The following SLC1A7 variants were observed in gnomAD, a reference collection of about 807,000 sequenced individuals.
SLC1A7 encodes the protein solute carrier family 1 member 7.
Under a neutral mutation model 47.7 loss-of-function variants are expected in SLC1A7, and 40 were observed. That is an observed-to-expected ratio of 0.84 (90% CI 0.65 to 1.09). The LOEUF (loss-of-function observed/expected upper bound fraction) is 1.09, where lower values mean the gene tolerates loss of function less well. SLC1A7 is among the 50% of genes least tolerant of loss of function. SLC1A7 has a pLI of 0.00. For synonymous variants in SLC1A7, 323 were observed against 325.6 expected, an observed-to-expected ratio of 0.99 and a Z score of 0.09; for missense variants, 746 against 769.5, an observed-to-expected ratio of 0.97 and a Z score of 0.36.
intron 5 of SLC1A7, among the ~76,000 whole-genome samples, chr1:53,100,402 TCAGTACACTCACAC>T (rs1644560079): frequency 1.3e-5 from 2 of 151,352 alleles, no homozygotes; most frequent in Non-Finnish European, 2.9e-5. Flanking sequence ...ACACCCCGCC[TCAGTACACTCACAC>T]GTCTTGTTTC....
chr1:53,112,901 T>G (rs1250613605), intron 3 of SLC1A7, among the ~76,000 whole-genome samples: 1 of 152,066 alleles, frequency 6.6e-6, no homozygotes, highest in Non-Finnish European at 1.5e-5. Context: ...CCCATAGAAG[T>G]AGTCCTGGAG....
At chr1:53,115,026 G>GCACTCAGCGCT in intron 2 of SLC1A7, 53 bp from the exon 3 acceptor site, 1 of 1,413,798 alleles carries the variant, frequency 7.1e-7, no homozygotes, top group Non-Finnish European at 9.9e-7. Flanking sequence ...GGCCTGGCTG[G>GCACTCAGCGCT]CACTCAGCGC....
intron 2 of SLC1A7, among the ~76,000 whole-genome samples, chr1:53,128,032 A>G (rs946591): frequency 0.54 from 82,207 of 152,084 alleles, 22,750 homozygotes; most frequent in East Asian, 0.66. Flanking sequence ...TTACACGGCA[A>G]TGATAACGAA....
At chr1:53,102,458 C>G (rs967999385) in intron 5 of SLC1A7, 8 of 152,434 alleles carry the variant, frequency 5.2e-5, no homozygotes, top group African/African-American at 1.9e-4. Flanking sequence ...GCGGAGGACT[C>G]TCCTGAGGGC....
rs1327252251 is a variant in SLC1A7 at position 53,093,426 on chromosome 1, T to C, written c.797+35A>G. On this transcript the variant is annotated intron_variant, in intron 6 of 10. Coordinates refer to ENST00000371494, the MANE Select transcript of SLC1A7 (RefSeq NM_006671.6). ...TGTCTTCCCTCCATCCACCCAGGGC[T>C]GGCCGGGGTGAGGTGGGTAAATGAG... is the stretch of plus-strand genomic sequence containing the variant. 5 of 1,500,218 alleles carry C rather than the reference T, an allele frequency of 3.3e-6. No individual in the cohort carries two copies. In the African/African-American group the frequency reaches 6.8e-5, roughly 21 times the overall value. The allele number at this position is 1,500,218 out of a possible 1,614,324, so 92.9% of individuals were successfully genotyped here. A position where few individuals can be genotyped will look rare whatever the true frequency, so the allele number is the denominator to read the frequency against.
In SLC1A7 at chr1:53,089,952, G is replaced by A. The variant is rs763466867; in HGVS notation, c.1227-18C>T. On this transcript the variant is annotated intron_variant, in intron 8 of 10. Transcript: ENST00000371494. ...CTGTGATACTGCAGGGGGTGGGAAG[G>A]GGAAGAGGAGCAGCAGGAGGGGCAG... 3.4e-5 allele frequency: 55 copies of A among 1,612,298 alleles called. No homozygotes were observed. The highest frequency in any genetic ancestry group is 4.3e-5 in the Non-Finnish European group (51 of 1,179,522).
intron 3 of SLC1A7, among the ~76,000 whole-genome samples, chr1:53,112,212 A>T (rs928479165): frequency 2.6e-5 from 4 of 152,024 alleles, no homozygotes; most frequent in Non-Finnish European, 2.9e-5. Flanking sequence ...CTTTGTTATT[A>T]AAAAAAATGC....
chr1:53,104,774 G>A (rs1644621641), intron 4 of SLC1A7, among the ~76,000 whole-genome samples: 1 of 152,216 alleles, frequency 6.6e-6, no homozygotes, highest in Admixed American at 6.5e-5. Context: ...GCCCAGCCCA[G>A]GAAAGGGGTT....
At chr1:53,110,954 C>T (rs1359679988) in intron 3 of SLC1A7, among the ~76,000 whole-genome samples, 3 of 152,140 alleles carry the variant, frequency 2.0e-5, no homozygotes, top group Non-Finnish European at 4.4e-5. Context: ...CGTGTGCATT[C>T]AGCAAACTCT....
intron 1 of SLC1A7, among the ~76,000 whole-genome samples, chr1:53,136,212 CAG>C (rs966779112): frequency 1.4e-5 from 2 of 147,156 alleles, no homozygotes; most frequent in Admixed American, 6.8e-5. Context: ...ATTTTTTAGA[CAG>C]AGTCTTGCTC....
chr1:53,100,154 A>C (rs1345136962), intron 5 of SLC1A7, among the ~76,000 whole-genome samples: 2 of 136,670 alleles, frequency 1.5e-5, no homozygotes, highest in African/African-American at 5.7e-5. Context: ...ACATCCACAT[A>C]CACCCACACA....
chr1:53,089,670 C>G (rs1253524091), intron 9 of SLC1A7, 130 bp downstream of exon 9: 1 of 930,208 alleles, frequency 1.1e-6, no homozygotes, highest in African/African-American at 1.7e-5. Context: ...TAGGGCACTC[C>G]CACAGTGCCA....
At chr1:53,139,714 G>A (rs1645037226) in intron 1 of SLC1A7, among the ~76,000 whole-genome samples, 1 of 152,102 alleles carries the variant, frequency 6.6e-6, no homozygotes, top group African/African-American at 2.4e-5. Context: ...GAGGTCATCA[G>A]CTCCACCCAC....
intron 7 of SLC1A7, 180 bp from the exon 8 acceptor site, chr1:53,090,986 A>G: frequency 2.7e-6 from 4 of 1,480,098 alleles, no homozygotes; most frequent in South Asian, 2.7e-5. Flanking sequence ...GGTTCTTCCT[A>G]TGAGGGAGGT....
At chr1:53,110,549 G>A (rs74085598) in intron 3 of SLC1A7, among the ~76,000 whole-genome samples, 2 of 152,122 alleles carry the variant, frequency 1.3e-5, no homozygotes, top group Admixed American at 6.5e-5. Context: ...ACTGTGGCAC[G>A]TGTTTCTGAT....
chr1:53,142,041 C>T (rs1191069089), intron 1 of SLC1A7, among the ~76,000 whole-genome samples: 1 of 152,146 alleles, frequency 6.6e-6, no homozygotes, highest in African/African-American at 2.4e-5. Context: ...GCTCTTGGCC[C>T]TGTGTTTGTC....
chr1:53,139,233 G>C (rs1272101443), intron 1 of SLC1A7, among the ~76,000 whole-genome samples: 1 of 152,216 alleles, frequency 6.6e-6, no homozygotes, highest in Admixed American at 6.5e-5. Flanking sequence ...TGGTAGAGGA[G>C]TCTCCTTTAT....
chr1:53,118,652 T>C (rs1644788390), intron 2 of SLC1A7: 1 of 152,270 alleles, frequency 6.6e-6, no homozygotes, highest in Non-Finnish European at 1.5e-5. Context: ...AGTTTAATAC[T>C]TTATTTAACC....
chr1:53,091,515 T>C (rs1271652698), intron 7 of SLC1A7, among the ~76,000 whole-genome samples: 4 of 152,154 alleles, frequency 2.6e-5, no homozygotes, highest in Non-Finnish European at 5.9e-5. Flanking sequence ...GCCCCTGGCA[T>C]GGGAGCTGGC....
Sources: gnomAD v4.1 joint callset for allele counts (sites outside exome capture counted in the v4.1 genomes callset) on GRCh38, gnomAD v4.1.1 for gene constraint, MANE v1.5 for transcripts, NCBI Gene and HGNC (gene_info 2026-07-23, HGNC 2026-07-21) for gene names.